The following FBLN5 variants were observed in gnomAD, a reference collection of about 807,000 sequenced individuals.
The protein encoded by FBLN5 is fibulin-5.
In FBLN5, 24 loss-of-function variants were observed where a neutral mutation model predicts 61.6. The ratio of observed to expected loss-of-function variants is 0.39; its 90% CI spans 0.28 to 0.55. The LOEUF is 0.55. FBLN5 is among the 20% of genes least tolerant of loss of function. The pLI is 0.65. For synonymous variants in FBLN5, 213 were observed against 219.8 expected (o/e 0.97, Z 0.27); for missense variants, 470 against 594.1 (o/e 0.79, Z 2.17).
At chr14:91,927,701 C>G (rs560203102) in intron 4 of FBLN5, among the ~76,000 whole-genome samples, 1 of 152,378 alleles carries the variant, frequency 6.6e-6, no homozygotes, top group South Asian at 2.1e-4. Context: ...TGGCAGGTAA[C>G]TTCAACCTCC....
intron 4 of FBLN5, among the ~76,000 whole-genome samples, chr14:91,925,913 C>T (rs1485613875): frequency 6.6e-6 from 1 of 152,168 alleles, no homozygotes; most frequent in African/African-American, 2.4e-5. Context: ...CTGCTTGACA[C>T]CCAGTACAGT....
intron 3 of FBLN5, 139 bp downstream of exon 3, chr14:91,940,426 A>T: frequency 1.3e-6 from 1 of 756,388 alleles, no homozygotes; most frequent in Non-Finnish European, 2.3e-6. Flanking sequence ...ATAAAAGGGC[A>T]CCACTGACTT....
intron 4 of FBLN5, among the ~76,000 whole-genome samples, chr14:91,930,162 C>T (rs2055899180): frequency 6.6e-6 from 1 of 152,170 alleles, no homozygotes; most frequent in Non-Finnish European, 1.5e-5. Flanking sequence ...ACAATAATTA[C>T]AGTAACGAAC....
intron 5 of FBLN5, among the ~76,000 whole-genome samples, chr14:91,893,437 G>A (rs890271342): frequency 1.3e-5 from 2 of 152,150 alleles, no homozygotes; most frequent in East Asian, 1.9e-4. Flanking sequence ...AGGATGCTTC[G>A]GACGGGGCTT....
At chr14:91,908,212 T>C (rs1258755279) in intron 4 of FBLN5, among the ~76,000 whole-genome samples, 1 of 152,246 alleles carries the variant, frequency 6.6e-6, no homozygotes. Flanking sequence ...GTCACTGCTC[T>C]GCCTGCACAC....
In FBLN5 at chr14:91,883,015, G is replaced by A; in HGVS notation, c.801C>T (p.Gly267=). 6.2e-7 allele frequency: 1 copy of A among 1,614,120 alleles called. No individual in the cohort carries two copies. Among genetic ancestry groups the A allele is most frequent in the Non-Finnish European group, 8.5e-7 (1 of 1,179,940 alleles). The change falls in exon 8 of 11, where the codon GGC becomes GGT. Residue 267 remains glycine, a synonymous_variant. Transcript: ENST00000342058. ...LCQHECVNQP[G]TYFCSCPPGY... The stretch of plus-strand genomic sequence containing the variant: ...CTGGAGGGCAGGAGCAGAAGTATGT[G>A]CCGGGCTGGTTCACACACTCATGTT...
intron 7 of FBLN5, among the ~76,000 whole-genome samples, chr14:91,885,640 A>G (rs1022987676): frequency 2.0e-5 from 3 of 152,140 alleles, no homozygotes; most frequent in Non-Finnish European, 4.4e-5. Context: ...TTTTTTTAAT[A>G]AAGGATGAAA....
chr14:91,934,151 A>G (rs907346553), intron 4 of FBLN5, among the ~76,000 whole-genome samples: 9 of 152,212 alleles, frequency 5.9e-5, no homozygotes, highest in Admixed American at 3.9e-4. Context: ...GGTTGCAGTG[A>G]TTGTGCCACT....
intron 4 of FBLN5, among the ~76,000 whole-genome samples, chr14:91,911,780 G>T (rs1335986479): frequency 6.8e-6 from 1 of 147,602 alleles, no homozygotes; most frequent in African/African-American, 2.5e-5. Flanking sequence ...GAGGCCCTCT[G>T]GAGGATGCAA....
At chr14:91,929,913 G>C (rs2055895707) in intron 4 of FBLN5, among the ~76,000 whole-genome samples, 1 of 152,250 alleles carries the variant, frequency 6.6e-6, no homozygotes, top group East Asian at 1.9e-4. Flanking sequence ...CTACTTTTGG[G>C]AACAGCTGTC....
chr14:91,927,690 C>T (rs2055852426), intron 4 of FBLN5, among the ~76,000 whole-genome samples: 1 of 152,362 alleles, frequency 6.6e-6, no homozygotes, highest in East Asian at 1.9e-4. Flanking sequence ...TATTTGCAAC[C>T]TGGCAGGTAA....
chr14:91,879,505 G>T (rs1433835230), intron 9 of FBLN5, among the ~76,000 whole-genome samples: 3 of 152,212 alleles, frequency 2.0e-5, no homozygotes, highest in African/African-American at 7.2e-5. Context: ...CGTCATGCCA[G>T]AGACTCCACC....
Position 91,947,256 on chromosome 14 carries a change from G to A in FBLN5, c.-27C>T, listed in dbSNP as rs1262814107. On this transcript the variant is annotated 5_prime_UTR_variant, in exon 1 of 11. Coordinates refer to ENST00000342058, the MANE Select transcript of FBLN5 (RefSeq NM_006329.4). This position sits in a 1 kb window ranked among gnomAD's most constrained non-coding sequence, Gnocchi z 4.3. ...TCCAAGACGCGCGAGGAGGAGATGC[G>A]AAGGCGAGAAGAAAGCTCGCGGGCG... 1.1e-5 allele frequency: 17 copies of A among 1,614,078 alleles called. No individual in the cohort carries two copies. The East Asian group carries it at 2.2e-4, about 21-fold the overall frequency.
chr14:91,908,558 C>T (rs577441228), intron 4 of FBLN5, among the ~76,000 whole-genome samples: 1 of 152,282 alleles, frequency 6.6e-6, no homozygotes, highest in Admixed American at 6.5e-5. Context: ...ACCCAGAGCC[C>T]TGAAAGGAGG....
chr14:91,880,993 A>G (rs1403530772), intron 9 of FBLN5, among the ~76,000 whole-genome samples: 2 of 152,210 alleles, frequency 1.3e-5, no homozygotes, highest in African/African-American at 2.4e-5. Flanking sequence ...CACACTTTGC[A>G]CTGCAAACCA....
At chr14:91,873,508 TCTTGA>T (rs1296914078) in intron 10 of FBLN5, 1 of 152,456 alleles carries the variant, frequency 6.6e-6, no homozygotes, top group Non-Finnish European at 1.5e-5. Flanking sequence ...ATCCCATGGG[TCTTGA>T]CTTGACTTGA....
chr14:91,869,985 G>T lies in FBLN5; in HGVS notation c.*239C>A. ...AAATTCACCAACAATCTTCTATCAG[G>T]GGAGCAATGATAATACTTTTTGATA... On this transcript the variant is annotated 3_prime_UTR_variant, in exon 11 of 11. Coordinates refer to ENST00000342058, the MANE Select transcript of FBLN5 (RefSeq NM_006329.4). 1.8e-6 allele frequency: 1 copy of T among 541,664 alleles called. No individual in the cohort carries two copies. The highest frequency in any genetic ancestry group is 3.3e-6 in the Non-Finnish European group (1 of 298,606). 33.6% of individuals were successfully genotyped at this position (541,664 alleles called of 1,614,324 possible). A position where few individuals can be genotyped will look rare whatever the true frequency, so the allele number is the denominator to read the frequency against.
At chr14:91,923,987 G>T (rs1052489734) in intron 4 of FBLN5, among the ~76,000 whole-genome samples, 1 of 152,188 alleles carries the variant, frequency 6.6e-6, no homozygotes, top group African/African-American at 2.4e-5. Flanking sequence ...AAAATTATTT[G>T]GGTTTCATAT....
In FBLN5 at chr14:91,947,316, T is replaced by C. The variant is rs200942122; in HGVS notation, c.-87A>G. 1.6e-4 allele frequency: 247 copies of C among 1,505,274 alleles called. 1 individual carries two copies. Among genetic ancestry groups the C allele is most frequent in the Non-Finnish European group, 2.1e-4 (228 of 1,082,852 alleles). The allele number at this position is 1,505,274 out of a possible 1,614,324, so 93.2% of individuals were successfully genotyped here. ...GAGGAGCTCGGGCACGTCGGCCTCC[T>C]CTGGGCCCTCGGGGCTCGCGGGTGT... is the stretch of plus-strand genomic sequence containing the variant. On this transcript the variant is annotated 5_prime_UTR_variant, in exon 1 of 11. Transcript: ENST00000342058. The surrounding 1 kb of genome is among the most constrained non-coding windows in gnomAD (Gnocchi z 4.3).
Sources: gnomAD v4.1 joint callset for allele counts (sites outside exome capture counted in the v4.1 genomes callset) on GRCh38, gnomAD v4.1.1 for gene constraint, Gnocchi (gnomAD v3.1) non-coding constraint, MANE v1.5 for transcripts, NCBI Gene and HGNC (gene_info 2026-07-23, HGNC 2026-07-21) for gene names.